The following METTL25 variants were observed in gnomAD, a reference collection of about 807,000 sequenced individuals.
METTL25 encodes the protein probable methyltransferase-like protein 25.
Under a neutral mutation model 71.6 loss-of-function variants are expected in METTL25, and 64 were observed. The ratio of observed to expected loss-of-function variants is 0.89; its 90% CI spans 0.73 to 1.10. METTL25 has a LOEUF of 1.10. Among genes scored for constraint, METTL25 ranks in the 50% least tolerant of loss-of-function variants. The pLI, the probability that METTL25 is intolerant of heterozygous loss-of-function variation, is 0.00. For missense variants in METTL25, 807 were observed against 707.0 expected (o/e 1.14, Z -1.60); for synonymous variants, 287 against 250.3 (o/e 1.15, Z -1.38).
chr12:82,430,603 A>G (rs1889401033), intron 5 of METTL25, among the ~76,000 whole-genome samples: 1 of 151,750 alleles, frequency 6.6e-6, no homozygotes, highest in Admixed American at 6.6e-5. Flanking sequence ...GAATATCAAG[A>G]GTATTTGCAT....
At chr12:82,359,002 G>A (rs968610639) in intron 1 of METTL25, 178 bp downstream of exon 1, 22 of 666,454 alleles carry the variant, frequency 3.3e-5, no homozygotes, top group Non-Finnish European at 5.7e-5. Flanking sequence ...ATGTTCTTTG[G>A]AATCAGGATC....
chr12:82,442,436 GA>G (rs1890418985), intron 8 of METTL25, among the ~76,000 whole-genome samples: 1 of 152,134 alleles, frequency 6.6e-6, no homozygotes, highest in Admixed American at 6.6e-5. Flanking sequence ...CAACCTGAGT[GA>G]ATCTCCAGAG....
intron 6 of METTL25, among the ~76,000 whole-genome samples, chr12:82,431,937 A>T (rs1191412031): frequency 6.6e-6 from 1 of 151,684 alleles, no homozygotes; most frequent in Admixed American, 6.6e-5. Context: ...CTGTATGGAA[A>T]GTGAAAAATA....
intron 5 of METTL25, among the ~76,000 whole-genome samples, chr12:82,429,840 A>G (rs981758869): frequency 4.6e-5 from 7 of 151,518 alleles, no homozygotes; most frequent in African/African-American, 1.5e-4. Context: ...AGGATCGTCC[A>G]TATCTTCCAT....
chr12:82,403,739 C>G lies in METTL25; in HGVS notation c.1279+609C>G, dbSNP rs111757927. Among the ~76,000 whole-genome samples, 57 of 152,268 alleles carry G rather than the reference C, an allele frequency of 3.7e-4. 1 individual carries two copies. Among genetic ancestry groups the G allele is most frequent in the African/African-American group, 1.3e-3 (55 of 41,550 alleles). ...CACCCCACATATTCATTCAGAGCAG[C>G]TCCTGAAATAGCTGTTTGCTCCATT... On this transcript the variant is annotated intron_variant, in intron 5 of 11. Transcript: ENST00000248306.
intron 3 of METTL25, among the ~76,000 whole-genome samples, chr12:82,392,380 T>A (rs1885677823): frequency 6.6e-6 from 1 of 151,802 alleles, no homozygotes; most frequent in Non-Finnish European, 1.5e-5. Flanking sequence ...CTTGTGATAG[T>A]TTACTGAGAA....
chr12:82,456,698 C>A, intron 8 of METTL25, 29 bp from the exon 9 acceptor site: 1 of 1,370,962 alleles, frequency 7.3e-7, no homozygotes, highest in Non-Finnish European at 1.0e-6. Context: ...ATTGGAAAAA[C>A]TAAAAATTTA....
Position 82,386,854 on chromosome 12 carries a change from G to A in METTL25, c.311G>A (p.Ser104Asn), listed in dbSNP as rs1249641418. The A allele has an allele frequency of 1.9e-5, 30 of 1,613,514 alleles. No homozygotes were observed. The highest frequency in any genetic ancestry group is 2.3e-5 in the Non-Finnish European group (27 of 1,179,652). Residue 104 changes from serine to asparagine, a missense_variant, in exon 2 of 12, where the codon AGT becomes AAT. Transcript: ENST00000248306. ...IFCETSQKLVSVEAFALAAKY... is the reference protein window; with the variant it reads ...IFCETSQKLVNVEAFALAAKY... Reference sequence around the variant, plus strand: ...TGTGAAACTTCTCAGAAGTTGGTGAGTGTGGAAGCCTTTGCTCTGGCTGCG... The same window carrying A: ...TGTGAAACTTCTCAGAAGTTGGTGAATGTGGAAGCCTTTGCTCTGGCTGCG...
At chr12:82,418,771 A>G (rs570883608) in intron 5 of METTL25, among the ~76,000 whole-genome samples, 5 of 152,146 alleles carry the variant, frequency 3.3e-5, no homozygotes, top group Non-Finnish European at 7.4e-5. Context: ...AAATGAATCC[A>G]TCATAAGGAC....
At chr12:82,474,333 C>G (rs553135685) in intron 9 of METTL25, among the ~76,000 whole-genome samples, 3 of 152,326 alleles carry the variant, frequency 2.0e-5, no homozygotes, top group Admixed American at 1.3e-4. Context: ...ACCACAGGTG[C>G]ATCTGCACTT....
intron 1 of METTL25, among the ~76,000 whole-genome samples, chr12:82,384,263 T>C (rs1041607454): frequency 2.0e-5 from 3 of 152,178 alleles, no homozygotes; most frequent in Non-Finnish European, 4.4e-5. Context: ...CCAAAGCGAT[T>C]ATACAAGTAC....
chr12:82,394,196 A>G (rs1885875043), intron 3 of METTL25, among the ~76,000 whole-genome samples: 1 of 152,050 alleles, frequency 6.6e-6, no homozygotes, highest in East Asian at 1.9e-4. Flanking sequence ...GCAAATGTCT[A>G]CTATGTCCAT....
At chr12:82,463,954 G>GTTC (rs1565884819) in intron 9 of METTL25, among the ~76,000 whole-genome samples, 48 of 151,764 alleles carry the variant, frequency 3.2e-4, no homozygotes, top group African/African-American at 1.1e-3. Flanking sequence ...TGTTGTTGTT[G>GTTC]TTGTTCTTGT....
rs185429952 is a variant in METTL25 at position 82,386,533 on chromosome 12, T to G, written c.260-270T>G. Among the ~76,000 whole-genome samples the G allele has an allele frequency of 2.1e-3, 301 of 146,638 alleles. No individual in the cohort carries two copies. The highest frequency in any genetic ancestry group is 3.7e-3 in the Non-Finnish European group (245 of 66,542). On this transcript the variant is annotated intron_variant, in intron 1 of 11. Coordinates refer to ENST00000248306, the MANE Select transcript of METTL25 (RefSeq NM_032230.3). ...TCCCTTTTCTCTCTCTCTGTCTCTGTCTCTTTCTTTCCATAAAAAAGGCCT... is the reference window on the plus strand; with the variant it reads ...TCCCTTTTCTCTCTCTCTGTCTCTGGCTCTTTCTTTCCATAAAAAAGGCCT...
chr12:82,381,249 T>C (rs905834665), intron 1 of METTL25, among the ~76,000 whole-genome samples: 1 of 152,204 alleles, frequency 6.6e-6, no homozygotes, highest in South Asian at 2.1e-4. Flanking sequence ...CAAATTAAAC[T>C]GTGAAGAGTC....
At chr12:82,359,833 CT>C (rs1881579766) in intron 1 of METTL25, among the ~76,000 whole-genome samples, 1 of 152,184 alleles carries the variant, frequency 6.6e-6, no homozygotes, top group African/African-American at 2.4e-5. Context: ...TACTAGTGAA[CT>C]TTATTCATTG....
chr12:82,404,818 C>T (rs890247510), intron 5 of METTL25, among the ~76,000 whole-genome samples: 2 of 152,072 alleles, frequency 1.3e-5, no homozygotes, highest in African/African-American at 4.8e-5. Context: ...GTGGTGGACG[C>T]CTGTAATCGC....
chr12:82,434,779 A>G (rs1025303534), intron 7 of METTL25, 55 bp downstream of exon 7: 3 of 1,362,238 alleles, frequency 2.2e-6, no homozygotes, highest in South Asian at 2.4e-5. Context: ...AGTACTCTTC[A>G]TACTTGACCT....
At chr12:82,363,689 G>A (rs1162507547) in intron 1 of METTL25, among the ~76,000 whole-genome samples, 2 of 148,216 alleles carry the variant, frequency 1.3e-5, no homozygotes, top group African/African-American at 5.0e-5. Flanking sequence ...CTACAATAAA[G>A]TATCTGCCAT....
Sources: allele counts gnomAD v4.1 joint callset (sites outside exome capture counted in the v4.1 genomes callset), GRCh38; gene constraint gnomAD v4.1.1; transcripts MANE v1.5; gene names NCBI Gene and HGNC (gene_info 2026-07-23, HGNC 2026-07-21).